RAD51C: variants seen among roughly 807,000 people sequenced by gnomAD.
RAD51C encodes the protein DNA repair protein RAD51 homolog 3.
In RAD51C, 42 loss-of-function variants were observed where a neutral mutation model predicts 45.0. That is an observed-to-expected ratio of 0.93 (90% CI 0.73 to 1.21). The LOEUF (loss-of-function observed/expected upper bound fraction) is 1.21. RAD51C is among the 50% of genes most tolerant of loss of function. The pLI, the probability that RAD51C is intolerant of heterozygous loss-of-function variation, is 0.00. For missense variants in RAD51C, 474 were observed against 452.2 expected (o/e 1.05, Z -0.44); for synonymous variants, 172 against 159.8 (o/e 1.08, Z -0.58).
At position 58,695,037 on chromosome 17, in the gene RAD51C, G is replaced by T. The variant is rs786202890; in HGVS notation, c.252G>T (p.Lys84Asn). 63 of 1,613,954 alleles carry T rather than the reference G, an allele frequency of 3.9e-5. No individual in the cohort carries two copies. The highest frequency in any genetic ancestry group is 4.9e-5 in the Non-Finnish European group (58 of 1,180,008). ...RYAGTSESHK[K>N]CTALELLEQE... ...CTGGTACATCTGAGTCACACAAGAA[G>T]TGTACAGCACTGGAACTTCTTGAGC... The change falls in exon 2 of 9, where the codon AAG becomes AAT. Residue 84 changes from lysine (K) to asparagine (N), a missense_variant. By Grantham distance (94) the Lys-to-Asn change is moderately conservative (BLOSUM62 0). Transcript: ENST00000337432.
At chr17:58,718,153 C>T (rs762978523) in intron 5 of RAD51C, among the ~76,000 whole-genome samples, 4 of 152,146 alleles carry the variant, frequency 2.6e-5, no homozygotes, top group South Asian at 2.1e-4. Context: ...CCCGCCCCAA[C>T]GTTCGGCTAA....
chr17:58,699,849 G>A (rs1334115610), intron 3 of RAD51C: 1 of 152,016 alleles, frequency 6.6e-6, no homozygotes, highest in Non-Finnish European at 1.5e-5. Flanking sequence ...GGGACGATAA[G>A]CTCAAATCTT....
chr17:58,722,769 G>A (rs2048963980), intron 6 of RAD51C, among the ~76,000 whole-genome samples: 1 of 152,168 alleles, frequency 6.6e-6, no homozygotes, highest in Non-Finnish European at 1.5e-5. Context: ...CTCTTTGCTA[G>A]TTCTGGAATT....
At position 58,720,427 on chromosome 17, in the gene RAD51C, T is replaced by A. The variant is rs140878764; in HGVS notation, c.838-319T>A. On this transcript the variant is annotated intron_variant, in intron 5 of 8. Coordinates refer to ENST00000337432, the MANE Select transcript of RAD51C (RefSeq NM_058216.3). ...CGAGACTCTGTCTCAAAAAAAAAAATAAAATAAAAAATAAAATCACAAGAC... is the reference window on the plus strand; with the variant it reads ...CGAGACTCTGTCTCAAAAAAAAAAAAAAAATAAAAAATAAAATCACAAGAC... Among the ~76,000 whole-genome samples, 430 of 88,238 alleles carry A rather than the reference T, an allele frequency of 4.9e-3. 4 individuals carry two copies. Among genetic ancestry groups the A allele is most frequent in the Middle Eastern group, 0.019 (2 of 104 alleles). The allele number at this position is 88,238 out of a possible 152,430, so 57.9% of individuals were successfully genotyped here.
intron 3 of RAD51C, among the ~76,000 whole-genome samples, chr17:58,699,347 G>A (rs1420241337): frequency 1.3e-5 from 2 of 151,738 alleles, no homozygotes; most frequent in African/African-American, 4.8e-5. Flanking sequence ...TTTTGGATGT[G>A]CGGTCTTTAT....
In RAD51C at chr17:58,695,100, A is replaced by G. The variant is rs876660032; in HGVS notation, c.315A>G (p.Ser105=). 1.9e-6 allele frequency: 3 copies of G among 1,614,048 alleles called. No individual in the cohort carries two copies. In the African/African-American group the frequency reaches 4.0e-5, roughly 22 times the overall value. The change falls in exon 2 of 9, where the codon TCA becomes TCG. Residue 105 remains serine, a synonymous_variant. Coordinates refer to ENST00000337432, the MANE Select transcript of RAD51C (RefSeq NM_058216.3). ...AGGGCTTCATAATCACCTTCTGTTC[A>G]GCACTAGATGATATTCTTGGGGGTG... is the stretch of plus-strand genomic sequence containing the variant. ...HTQGFIITFC[S]ALDDILGGGV... is the part of the protein sequence containing the mutation.
chr17:58,727,360 G>A (rs1248066143), intron 7 of RAD51C, among the ~76,000 whole-genome samples: 2 of 151,490 alleles, frequency 1.3e-5, no homozygotes, highest in African/African-American at 4.9e-5. Flanking sequence ...CTGATGTCAG[G>A]TGACCTGCCC....
intron 5 of RAD51C, among the ~76,000 whole-genome samples, chr17:58,717,344 T>G (rs1055774337): frequency 2.0e-5 from 3 of 152,104 alleles, no homozygotes; most frequent in African/African-American, 7.2e-5. Context: ...GCAGGAAGAT[T>G]GTTTGAGTCC....
chr17:58,699,839 G>A (rs2048149290), intron 3 of RAD51C: 2 of 152,084 alleles, frequency 1.3e-5, no homozygotes, highest in Admixed American at 6.6e-5. Context: ...CTGTACCTTC[G>A]GGACGATAAG....
Position 58,734,574 on chromosome 17 carries a change from C to T in RAD51C, c.*352C>T. On this transcript the variant is annotated 3_prime_UTR_variant, in exon 9 of 9. Transcript: ENST00000337432. The stretch of plus-strand genomic sequence containing the variant: ...TATAAAATCTTAGGAAGAAACATAT[C>T]ATATTCTTATTGTGTTTTTTTTTTT... The T allele has an allele frequency of 4.1e-6, 1 of 243,260 alleles. No homozygotes were observed. Among genetic ancestry groups the T allele is most frequent in the Non-Finnish European group, 7.8e-6 (1 of 127,410 alleles). 15.1% of individuals were successfully genotyped at this position (243,260 alleles called of 1,614,324 possible).
At chr17:58,733,696 G>A (rs1381657859) in intron 8 of RAD51C, among the ~76,000 whole-genome samples, 1 of 152,164 alleles carries the variant, frequency 6.6e-6, no homozygotes, top group African/African-American at 2.4e-5. Flanking sequence ...TTCATTCACA[G>A]TGGTTGATAA....
chr17:58,724,723 A>C (rs1326593064), intron 7 of RAD51C, among the ~76,000 whole-genome samples: 1 of 152,170 alleles, frequency 6.6e-6, no homozygotes, highest in Admixed American at 6.6e-5. Flanking sequence ...TATTTTCTTG[A>C]AAATAGACCA....
intron 3 of RAD51C, among the ~76,000 whole-genome samples, 177 bp from the exon 4 acceptor site, chr17:58,703,015 TTTAA>T (rs773581225): frequency 2.0e-5 from 3 of 152,230 alleles, no homozygotes; most frequent in Admixed American, 1.3e-4. Flanking sequence ...ACCCTAGAAC[TTTAA>T]TTAAAAGATC....
chr17:58,716,188 G>A (rs141255606), intron 5 of RAD51C, among the ~76,000 whole-genome samples: 261 of 151,646 alleles, frequency 1.7e-3, no homozygotes, highest in African/African-American at 6.1e-3. Flanking sequence ...GAGGCCAATC[G>A]TTTTGCAAAA....
At chr17:58,705,472 T>TA (rs2048348569) in intron 4 of RAD51C, among the ~76,000 whole-genome samples, 1 of 152,024 alleles carries the variant, frequency 6.6e-6, no homozygotes, top group Admixed American at 6.6e-5. Context: ...TAGCTGGGAC[T>TA]ACAGGCGCAT....
intron 3 of RAD51C, among the ~76,000 whole-genome samples, chr17:58,698,145 G>A (rs1476320147): frequency 6.6e-6 from 1 of 150,584 alleles, no homozygotes; most frequent in Non-Finnish European, 1.5e-5. Flanking sequence ...CTGAGTAGCT[G>A]GAATTATAGG....
intron 2 of RAD51C, 121 bp from the exon 3 acceptor site, chr17:58,696,572 T>TGGGG: frequency 8.7e-7 from 1 of 1,149,974 alleles, no homozygotes. Context: ...TCTGTTGCCT[T>TGGGG]GGGGAGTATA....
chr17:58,734,424 T>C lies in RAD51C; in HGVS notation c.*202T>C, dbSNP rs1320528270. On this transcript the variant is annotated 3_prime_UTR_variant, in exon 9 of 9. Coordinates refer to ENST00000337432, the MANE Select transcript of RAD51C (RefSeq NM_058216.3). Reference sequence around the variant, plus strand: ...TATTCTGCAATTATATTTTACCCTGTTTTCATTTTCAGTAACATTCAGTAG... The same window carrying C: ...TATTCTGCAATTATATTTTACCCTGCTTTCATTTTCAGTAACATTCAGTAG... 1 of 856,034 alleles carries C rather than the reference T, an allele frequency of 1.2e-6. No individual in the cohort carries two copies. The highest frequency in any genetic ancestry group is 1.7e-5 in the African/African-American group (1 of 58,580). 53.0% of individuals were successfully genotyped at this position (856,034 alleles called of 1,614,324 possible). A position where few individuals can be genotyped will look rare whatever the true frequency, so the allele number is the denominator to read the frequency against.
At chr17:58,722,842 T>A (rs1230418582) in intron 6 of RAD51C, among the ~76,000 whole-genome samples, 1 of 152,210 alleles carries the variant, frequency 6.6e-6, no homozygotes, top group Non-Finnish European at 1.5e-5. Flanking sequence ...CAAACTTTGT[T>A]GCTGTGTCTG....
Sources: allele counts gnomAD v4.1 joint callset (sites outside exome capture counted in the v4.1 genomes callset), GRCh38; gene constraint gnomAD v4.1.1; transcripts MANE v1.5; gene names NCBI Gene and HGNC (gene_info 2026-07-23, HGNC 2026-07-21).